CLPB: variants seen among roughly 807,000 people sequenced by gnomAD.
CLPB encodes the protein mitochondrial disaggregase.
CLPB carries 40 observed loss-of-function variants against 78.4 expected under a neutral mutation model. The ratio of observed to expected loss-of-function variants is 0.51; its 90% CI spans 0.40 to 0.66. CLPB has a LOEUF of 0.66. Ranked by LOEUF, CLPB falls within the 30% of genes least tolerant of loss-of-function variation. The probability of loss-of-function intolerance (pLI) is 0.00; values close to 1 mark genes in which losing one functional copy is unlikely to be tolerated. For synonymous variants in CLPB, 333 were observed against 348.0 expected (o/e 0.96, Z 0.48); for missense variants, 780 against 886.9 (o/e 0.88, Z 1.53).
At chr11:72,372,452 A>C (rs967892090) in intron 4 of CLPB, among the ~76,000 whole-genome samples, 1 of 152,212 alleles carries the variant, frequency 6.6e-6, no homozygotes, top group Non-Finnish European at 1.5e-5. Flanking sequence ...CACATATAAT[A>C]CCATGGCTTA....
At chr11:72,416,473 C>T (rs1447443283) in intron 2 of CLPB, among the ~76,000 whole-genome samples, 1 of 152,088 alleles carries the variant, frequency 6.6e-6, no homozygotes, top group Non-Finnish European at 1.5e-5. Flanking sequence ...CGGTGGCTCA[C>T]ACCTGTAATC....
chr11:72,415,381 A>G (rs975989603), intron 2 of CLPB, among the ~76,000 whole-genome samples: 2 of 152,160 alleles, frequency 1.3e-5, no homozygotes, highest in African/African-American at 2.4e-5. Context: ...GGGACCAATC[A>G]GCTGACAGAA....
rs536935703 is a variant in CLPB, at chr11:72,294,310, G to A, written c.1680+15C>T. On this transcript the variant is annotated intron_variant, in intron 14 of 15. Coordinates refer to ENST00000538039, the MANE Select transcript of CLPB (RefSeq NM_001258392.3). The stretch of plus-strand genomic sequence containing the variant: ...CTGGCTATCCCGCCCCCACCCATGG[G>A]CAGTTCCCTCTTACTCTCTTGGCCC... 4 of 1,614,244 alleles carry A rather than the reference G, an allele frequency of 2.5e-6. No homozygotes were observed. The South Asian group carries it at 3.3e-5, about 13-fold the overall frequency.
intron 2 of CLPB, among the ~76,000 whole-genome samples, chr11:72,416,735 C>CAAAAA (rs35655496): frequency 3.9e-5 from 2 of 50,650 alleles, no homozygotes; most frequent in South Asian, 6.7e-4. Flanking sequence ...GACTCCGTCT[C>CAAAAA]AAAAAAAAAA....
chr11:72,314,639 A>G (rs955502471), intron 7 of CLPB, among the ~76,000 whole-genome samples: 11 of 152,028 alleles, frequency 7.2e-5, no homozygotes, highest in African/African-American at 2.7e-4. Flanking sequence ...CACAAAAACG[A>G]TTAAGTCATG....
At position 72,329,772 on chromosome 11, in the gene CLPB, G is replaced by T; in HGVS notation, c.808C>A (p.His270Asn). ...TCTCGGGCATAATCCAAGGGTGTGTGTCCCATTTCATTCCTCTGCAGGGGG... is the reference window on the plus strand; with the variant it reads ...TCTCGGGCATAATCCAAGGGTGTGTTTCCCATTTCATTCCTCTGCAGGGGG... ...ANPLQRNEMGHTPLDYAREGE... is the reference protein window; with the variant it reads ...ANPLQRNEMGNTPLDYAREGE... The change falls in exon 6 of 16, where the codon CAC (histidine) becomes AAC (asparagine). Residue 270 changes from histidine (H) to asparagine (N), a missense_variant. By Grantham distance (68) the His-to-Asn change is moderately conservative. Transcript: ENST00000538039. 1 of 1,613,924 alleles carries T rather than the reference G, an allele frequency of 6.2e-7. No homozygotes were observed. The highest frequency in any genetic ancestry group is 8.5e-7 in the Non-Finnish European group (1 of 1,179,912).
chr11:72,415,990 T>C (rs1273425836), intron 2 of CLPB, among the ~76,000 whole-genome samples: 1 of 152,130 alleles, frequency 6.6e-6, no homozygotes, highest in African/African-American at 2.4e-5. Flanking sequence ...GAGCTCTGTC[T>C]CCTAAGAGTT....
intron 2 of CLPB, among the ~76,000 whole-genome samples, chr11:72,404,406 A>G (rs932074905): frequency 2.6e-5 from 4 of 152,260 alleles, no homozygotes; most frequent in African/African-American, 9.6e-5. Flanking sequence ...ATGTCCCTAC[A>G]GACCAAGTCA....
chr11:72,297,712 A>C (rs1949582008), intron 11 of CLPB, among the ~76,000 whole-genome samples: 1 of 133,590 alleles, frequency 7.5e-6, no homozygotes, highest in African/African-American at 2.7e-5. Context: ...TGACATGTCC[A>C]AGCATGTGCA....
chr11:72,297,700 T>TGTGTGTGTGTGA (rs1294715631), intron 11 of CLPB, among the ~76,000 whole-genome samples: 25 of 122,020 alleles, frequency 2.0e-4, no homozygotes, highest in Middle Eastern at 4.5e-3. Flanking sequence ...TGTGTGTGTG[T>TGTGTGTGTGTGA]GTGACATGTC....
In CLPB at chr11:72,312,550, C is replaced by A. The variant is rs1028785298; in HGVS notation, c.989-3946G>T. On this transcript the variant is annotated intron_variant, in intron 7 of 15. Transcript: ENST00000538039. This position sits in a 1 kb window ranked among gnomAD's most constrained non-coding sequence, Gnocchi z 4.2. ...AGACTAGCCCAACACTGGTTTAATA[C>A]TTGCTGACTAAATGAATTATTGGTC... is the stretch of plus-strand genomic sequence containing the variant. Among the ~76,000 whole-genome samples the A allele has an allele frequency of 6.6e-6, 1 of 152,100 alleles. No homozygotes were observed. Among genetic ancestry groups the A allele is most frequent in the Non-Finnish European group, 1.5e-5 (1 of 68,020 alleles).
At chr11:72,303,174 G>A (rs1200174671) in intron 9 of CLPB, among the ~76,000 whole-genome samples, 1 of 152,156 alleles carries the variant, frequency 6.6e-6, no homozygotes, top group Non-Finnish European at 1.5e-5. Flanking sequence ...GCCCTGTCTA[G>A]CCACAGCCAG....
In CLPB at chr11:72,300,865, G is replaced by C. The variant is rs530400053; in HGVS notation, c.1329+938C>G. Among the ~76,000 whole-genome samples, 213 of 152,302 alleles carry C rather than the reference G, an allele frequency of 1.4e-3. 2 individuals are homozygous for C. The highest frequency in any genetic ancestry group is 4.9e-3 in the African/African-American group (202 of 41,558). ...CTCCTCACGCTCTCTTGATGGAGCAGGGCCCCTGAAAAGGTGGAAGTCATC... is the reference window on the plus strand; with the variant it reads ...CTCCTCACGCTCTCTTGATGGAGCACGGCCCCTGAAAAGGTGGAAGTCATC... On this transcript the variant is annotated intron_variant, in intron 11 of 15. Transcript: ENST00000538039.
intron 2 of CLPB, among the ~76,000 whole-genome samples, chr11:72,408,666 C>CA (rs576990524): frequency 0.039 from 2,511 of 63,602 alleles, 72 homozygotes; most frequent in African/African-American, 0.088. Flanking sequence ...GACTCTGTCT[C>CA]AAAAAAAAAA....
chr11:72,380,979 G>A (rs547044369), intron 3 of CLPB, among the ~76,000 whole-genome samples: 9 of 152,280 alleles, frequency 5.9e-5, no homozygotes, highest in East Asian at 1.9e-4. Context: ...AAGCCCTTAC[G>A]GCATCAGCAA....
chr11:72,403,861 A>C (rs1237222684), intron 2 of CLPB, among the ~76,000 whole-genome samples: 6 of 152,232 alleles, frequency 3.9e-5, no homozygotes. Context: ...CCAACAATGT[A>C]GGGGTGGGTA....
chr11:72,318,074 A>C (rs1949980920), intron 6 of CLPB, among the ~76,000 whole-genome samples: 1 of 152,264 alleles, frequency 6.6e-6, no homozygotes, highest in African/African-American at 2.4e-5. Context: ...CTAAAAACAC[A>C]AAAACCTACT....
chr11:72,343,582 A>AAATTCCT (rs1204390705), intron 5 of CLPB, among the ~76,000 whole-genome samples: 2 of 152,140 alleles, frequency 1.3e-5, no homozygotes, highest in African/African-American at 4.8e-5. Context: ...CCATCACCAA[A>AAATTCCT]AATAAAAGTG....
chr11:72,432,183 T>C (rs1268896883), intron 1 of CLPB, among the ~76,000 whole-genome samples: 2 of 152,120 alleles, frequency 1.3e-5, no homozygotes, highest in African/African-American at 4.8e-5. Flanking sequence ...GCACACACCA[T>C]GGTGCCCCGA....
Sources: allele counts gnomAD v4.1 joint callset (sites outside exome capture counted in the v4.1 genomes callset), GRCh38; gene constraint gnomAD v4.1.1; non-coding constraint Gnocchi (gnomAD v3.1); transcripts MANE v1.5; gene names NCBI Gene and HGNC (gene_info 2026-07-23, HGNC 2026-07-21).